FOXP2: variants seen among roughly 807,000 people sequenced by gnomAD.
FOXP2 encodes forkhead box protein P2.
FOXP2 carries 12 observed loss-of-function variants against 115.8 expected under a neutral mutation model. That is an observed-to-expected ratio of 0.10 (90% CI 0.07 to 0.17). FOXP2 has a LOEUF of 0.17. Ranked by LOEUF, FOXP2 falls within the 10% of genes least tolerant of loss-of-function variation. The pLI is 1.00. For missense variants in FOXP2, 629 were observed against 843.5 expected (o/e 0.75, Z 3.15); for synonymous variants, 328 against 297.7 (o/e 1.10, Z -1.05).
At chr7:114,255,106 G>A (rs956071408) in intron 1 of FOXP2, among the ~76,000 whole-genome samples, 4 of 152,176 alleles carry the variant, frequency 2.6e-5, no homozygotes, top group South Asian at 2.1e-4. Context: ...GCAGAACAGC[G>A]AATATTGATG....
At chr7:114,541,650 T>G (rs1387001932) in intron 3 of FOXP2, among the ~76,000 whole-genome samples, 1 of 151,834 alleles carries the variant, frequency 6.6e-6, no homozygotes, top group African/African-American at 2.4e-5. Flanking sequence ...AGGGAATTAA[T>G]AAATGTACTT....
intron 3 of FOXP2, among the ~76,000 whole-genome samples, chr7:114,544,749 A>G (rs1235384771): frequency 6.6e-6 from 1 of 152,228 alleles, no homozygotes; most frequent in Non-Finnish European, 1.5e-5. Flanking sequence ...TTCTCTCTAC[A>G]TTCTACCTTC....
At chr7:114,378,663 GACA>G in intron 2 of FOXP2, among the ~76,000 whole-genome samples, 1 of 73,862 alleles carries the variant, frequency 1.4e-5, no homozygotes, top group African/African-American at 5.1e-5. Context: ...CAGCCTGTGA[GACA>G]ATGTAAGACC....
chr7:114,656,356 C>T, intron 10 of FOXP2: 3 of 173,060 alleles, frequency 1.7e-5, no homozygotes, highest in Non-Finnish European at 2.5e-5. Context: ...CTTTTCTTTT[C>T]ATATTTTTAA....
At chr7:114,157,916 C>T (rs1274238483) in intron 1 of FOXP2, among the ~76,000 whole-genome samples, 2 of 151,996 alleles carry the variant, frequency 1.3e-5, no homozygotes, top group Non-Finnish European at 2.9e-5. Context: ...GGAAGAGAGA[C>T]TGCTTTTAAG....
chr7:114,368,784 T>C (rs1791939496), intron 2 of FOXP2, among the ~76,000 whole-genome samples: 1 of 152,234 alleles, frequency 6.6e-6, no homozygotes, highest in Non-Finnish European at 1.5e-5. Context: ...GTGACATAGT[T>C]GCTGACTAGA....
rs140369603 is a variant in FOXP2 at position 114,174,736 on chromosome 7, T to G, written c.-102+11648T>G. On this transcript the variant is annotated intron_variant, in intron 1 of 17. Coordinates refer to the FOXP2 transcript ENST00000634411. ...ATCTTTCTTAAAAATTGATGTTTGT[T>G]TCATTCAGGTTTTACTAAATAGCAA... 4.3e-3 allele frequency among the ~76,000 whole-genome samples: 658 copies of G among 152,246 alleles called. 2 individuals are homozygous for G. The highest frequency in any genetic ancestry group is 0.014 in the Middle Eastern group (4 of 294).
intron 8 of FOXP2, among the ~76,000 whole-genome samples, chr7:114,651,661 C>A (rs1806261286): frequency 6.6e-6 from 1 of 152,062 alleles, no homozygotes; most frequent in Non-Finnish European, 1.5e-5. Context: ...TGATCAAAAT[C>A]TTCAATGAAG....
intron 1 of FOXP2, among the ~76,000 whole-genome samples, chr7:114,229,103 A>T (rs2129165418): frequency 6.6e-6 from 1 of 151,658 alleles, no homozygotes; most frequent in South Asian, 2.1e-4. Context: ...AGGTAGATAT[A>T]CTTATATCAA....
At chr7:114,268,836 G>T (rs1183371026) in intron 1 of FOXP2, among the ~76,000 whole-genome samples, 1 of 152,020 alleles carries the variant, frequency 6.6e-6, no homozygotes, top group Non-Finnish European at 1.5e-5. Flanking sequence ...TTCTGAGAAT[G>T]TATTTTGTTG....
chr7:114,288,837 A>G (rs1313031940), intron 2 of FOXP2, among the ~76,000 whole-genome samples: 1 of 151,788 alleles, frequency 6.6e-6, no homozygotes, highest in Admixed American at 6.6e-5. Context: ...ACCTAAAAGC[A>G]ATTTTAGGCA....
intron 16 of FOXP2, among the ~76,000 whole-genome samples, chr7:114,683,222 G>A (rs1420645931): frequency 6.6e-6 from 1 of 152,130 alleles, no homozygotes; most frequent in Non-Finnish European, 1.5e-5. Flanking sequence ...TTCATGGCAC[G>A]TAATTTATTC....
At chr7:114,247,059 G>A (rs1409497926) in intron 1 of FOXP2, among the ~76,000 whole-genome samples, 1 of 152,102 alleles carries the variant, frequency 6.6e-6, no homozygotes, top group Non-Finnish European at 1.5e-5. Flanking sequence ...TTGTTTCTAT[G>A]TATCATTTTT....
chr7:114,245,689 C>G (rs1184824783), intron 1 of FOXP2, among the ~76,000 whole-genome samples: 1 of 152,002 alleles, frequency 6.6e-6, no homozygotes, highest in African/African-American at 2.4e-5. Context: ...CTGAAGATGC[C>G]GTGTATCAAG....
intron 1 of FOXP2, among the ~76,000 whole-genome samples, chr7:114,418,988 A>G (rs1182608051): frequency 1.3e-5 from 2 of 151,944 alleles, no homozygotes; most frequent in East Asian, 1.9e-4. Context: ...TAAATGCATT[A>G]AATTGTAATG....
At chr7:114,646,205 A>G (rs183455541) in intron 8 of FOXP2, among the ~76,000 whole-genome samples, 78 of 152,062 alleles carry the variant, frequency 5.1e-4, no homozygotes, top group Non-Finnish European at 9.1e-4. Context: ...GTAAAGGGCT[A>G]TTGTTACATT....
rs1263940000 is a variant in FOXP2, at chr7:114,415,160, A to G, written c.-211A>G. The G allele has an allele frequency of 4.4e-6, 2 of 454,244 alleles. No individual in the cohort carries two copies. Among genetic ancestry groups the G allele is most frequent in the African/African-American group, 4.0e-5 (2 of 49,988 alleles). The allele number at this position is 454,244 out of a possible 1,614,324, so 28.1% of individuals were successfully genotyped here. On this transcript the variant is annotated 5_prime_UTR_variant, in exon 1 of 17. Coordinates refer to ENST00000350908, the MANE Select transcript of FOXP2 (RefSeq NM_014491.4). ...CCATCAGTCTGGGACGTGATCGGGC[A>G]GAGGTGTACTCACAGTAGTGTAAAT...
At chr7:114,258,193 G>A (rs1431220327) in intron 1 of FOXP2, among the ~76,000 whole-genome samples, 1 of 152,198 alleles carries the variant, frequency 6.6e-6, no homozygotes, top group African/African-American at 2.4e-5. Context: ...CTTGGATCTA[G>A]TTGGTAGTGG....
At chr7:114,536,533 A>C (rs961532894) in intron 3 of FOXP2, among the ~76,000 whole-genome samples, 1 of 151,086 alleles carries the variant, frequency 6.6e-6, no homozygotes, top group African/African-American at 2.4e-5. Flanking sequence ...TAAAATAAGA[A>C]ATTGTTGTTT....
Sources: gnomAD v4.1 joint callset for allele counts (sites outside exome capture counted in the v4.1 genomes callset) on GRCh38, gnomAD v4.1.1 for gene constraint, MANE v1.5 for transcripts, NCBI Gene and HGNC (gene_info 2026-07-23, HGNC 2026-07-21) for gene names.